The following AFG2A variants were observed in gnomAD, a reference collection of about 807,000 sequenced individuals.
The protein encoded by AFG2A is ATPase family gene 2 protein homolog A.
the AFG2A span, among the ~76,000 whole-genome samples, chr4:122,958,112 G>T: frequency 6.6e-6 from 1 of 152,096 alleles, no homozygotes; most frequent in Non-Finnish European, 1.5e-5. Context: ...TTGCGCTGAG[G>T]AAAGAACTCT....
the AFG2A span, among the ~76,000 whole-genome samples, chr4:123,098,713 T>G: frequency 1.3e-5 from 2 of 152,000 alleles, no homozygotes; most frequent in Admixed American, 1.3e-4. Flanking sequence ...TAATAAAGGT[T>G]GAATAGGATT....
chr4:123,108,361 A>G, the AFG2A span, among the ~76,000 whole-genome samples: 1 of 152,196 alleles, frequency 6.6e-6, no homozygotes, highest in Non-Finnish European at 1.5e-5. Flanking sequence ...TCATAAATAT[A>G]ACTAAAATTA....
the AFG2A span, among the ~76,000 whole-genome samples, chr4:123,015,352 C>T: frequency 6.6e-6 from 1 of 151,528 alleles, no homozygotes; most frequent in African/African-American, 2.4e-5. Flanking sequence ...TGTTTGTGTC[C>T]CTGGGTACTT....
chr4:122,965,518 A>G, the AFG2A span, among the ~76,000 whole-genome samples: 2 of 152,212 alleles, frequency 1.3e-5, no homozygotes, highest in African/African-American at 4.8e-5. Context: ...CCTTCAAGGT[A>G]TCTTGTTTTC....
chr4:123,195,824 C>T, the AFG2A span, among the ~76,000 whole-genome samples: 1 of 152,242 alleles, frequency 6.6e-6, no homozygotes, highest in South Asian at 2.1e-4. Context: ...AACCAATACC[C>T]CTTCCCAACC....
At chr4:123,098,740 C>G in the AFG2A span, among the ~76,000 whole-genome samples, 3 of 151,932 alleles carry the variant, frequency 2.0e-5, no homozygotes, top group African/African-American at 7.2e-5. Context: ...TGTATACATA[C>G]CACATTTTCT....
chr4:122,943,486 T>C, the AFG2A span, among the ~76,000 whole-genome samples: 1 of 152,234 alleles, frequency 6.6e-6, no homozygotes, highest in Non-Finnish European at 1.5e-5. Flanking sequence ...TCCATTTGCT[T>C]GGTAGATCTC....
the AFG2A span, among the ~76,000 whole-genome samples, chr4:123,096,746 T>C: frequency 6.6e-6 from 1 of 152,048 alleles, no homozygotes; most frequent in African/African-American, 2.4e-5. Context: ...AAGCCATCTA[T>C]GGAAAAGATT....
chr4:122,995,834 TAC>T, the AFG2A span, among the ~76,000 whole-genome samples: 8 of 152,368 alleles, frequency 5.3e-5, no homozygotes, highest in East Asian at 1.5e-3. Context: ...GAGTGTTTGC[TAC>T]AGTTACATAT....
chr4:123,206,892 A>G, the AFG2A span, among the ~76,000 whole-genome samples: 1 of 152,170 alleles, frequency 6.6e-6, no homozygotes, highest in East Asian at 1.9e-4. Context: ...GAAAAGTATC[A>G]AGAAGTTTGC....
chr4:123,133,615 G>A, the AFG2A span, among the ~76,000 whole-genome samples: 1 of 152,118 alleles, frequency 6.6e-6, no homozygotes, highest in Non-Finnish European at 1.5e-5. Flanking sequence ...ACCCAGTAGT[G>A]GGATTGCTGA....
chr4:123,228,621 T>C, the AFG2A span, among the ~76,000 whole-genome samples: 1 of 152,016 alleles, frequency 6.6e-6, no homozygotes, highest in African/African-American at 2.4e-5. Flanking sequence ...ATTATTTTAA[T>C]ATGCATTATC....
the AFG2A span, among the ~76,000 whole-genome samples, chr4:122,977,210 C>T: frequency 4.1e-4 from 63 of 152,216 alleles, no homozygotes; most frequent in Admixed American, 8.5e-4. Flanking sequence ...GTTATATCCT[C>T]GGGCCCACTG....
the AFG2A span, among the ~76,000 whole-genome samples, chr4:123,146,459 CAGTT>C: frequency 2.9e-3 from 448 of 152,158 alleles, no homozygotes; most frequent in South Asian, 7.7e-3. Context: ...GTAAGGAAGT[CAGTT>C]AGAGATCAGA....
chr4:122,969,220 A>G, the AFG2A span, among the ~76,000 whole-genome samples: 1 of 151,874 alleles, frequency 6.6e-6, no homozygotes, highest in Non-Finnish European at 1.5e-5. Flanking sequence ...GGTCAAATCT[A>G]CTGTTAGGTA....
chr4:123,157,266 CA>C, the AFG2A span, among the ~76,000 whole-genome samples: 2 of 152,016 alleles, frequency 1.3e-5, no homozygotes, highest in Non-Finnish European at 2.9e-5. Flanking sequence ...TCAAGTGATC[CA>C]CCCACCTTGG....
the AFG2A span, among the ~76,000 whole-genome samples, chr4:123,242,583 T>G: frequency 6.6e-6 from 1 of 152,198 alleles, no homozygotes; most frequent in South Asian, 2.1e-4. Context: ...CCTTACACCT[T>G]ATACAAAAAT....
the AFG2A span, chr4:122,979,505 A>T: frequency 3.4e-6 from 4 of 1,178,956 alleles, no homozygotes; most frequent in East Asian, 9.8e-5. Context: ...TCTTAATTGA[A>T]AGTTTTATTG....
the AFG2A span, among the ~76,000 whole-genome samples, chr4:122,950,723 C>T: frequency 2.5e-4 from 38 of 152,300 alleles, no homozygotes; most frequent in African/African-American, 8.9e-4. Context: ...GGGTTATGCT[C>T]GTTGTAGCCC....
Sources: allele counts gnomAD v4.1 joint callset (sites outside exome capture counted in the v4.1 genomes callset), GRCh38; gene constraint gnomAD v4.1.1; transcripts MANE v1.5; gene names NCBI Gene and HGNC (gene_info 2026-07-23, HGNC 2026-07-21).